The following NTM variants were observed in gnomAD, a reference collection of about 807,000 sequenced individuals.
NTM encodes neurotrimin, also known as IgLON family member 2.
Under a neutral mutation model 42.1 loss-of-function variants are expected in NTM, and 13 were observed. That is an observed-to-expected ratio of 0.31 (90% CI 0.20 to 0.49). NTM has a LOEUF of 0.49. Among genes scored for constraint, NTM ranks in the 20% least tolerant of loss-of-function variants. NTM has a pLI of 0.99. For missense variants in NTM, 373 were observed against 452.8 expected (o/e 0.82, Z 1.60); for synonymous variants, 187 against 179.2 (o/e 1.04, Z -0.35).
At chr11:131,688,351 T>G (rs2074206502) in intron 1 of NTM, among the ~76,000 whole-genome samples, 1 of 152,212 alleles carries the variant, frequency 6.6e-6, no homozygotes, top group Admixed American at 6.5e-5. Context: ...GGAAGGAGCT[T>G]GGATAGCACA....
chr11:132,096,659 C>T (rs560514107), intron 2 of NTM, among the ~76,000 whole-genome samples: 5 of 152,324 alleles, frequency 3.3e-5, no homozygotes, highest in Admixed American at 3.3e-4. Context: ...CATCAAGGAG[C>T]AATCAGGCTC....
intron 2 of NTM, among the ~76,000 whole-genome samples, chr11:131,988,067 G>A (rs1189577555): frequency 6.6e-6 from 1 of 152,200 alleles, no homozygotes; most frequent in Admixed American, 6.5e-5. Context: ...ATCCGATTTG[G>A]TGTCTGTTGA....
At chr11:132,219,748 G>A (rs1263696853) in intron 4 of NTM, among the ~76,000 whole-genome samples, 2 of 152,130 alleles carry the variant, frequency 1.3e-5, no homozygotes, top group Admixed American at 1.3e-4. Context: ...CCAATGGAAA[G>A]CTCCTGGCCC....
chr11:131,773,506 T>G (rs1307009203), intron 1 of NTM, among the ~76,000 whole-genome samples: 1 of 152,220 alleles, frequency 6.6e-6, no homozygotes, highest in Non-Finnish European at 1.5e-5. Context: ...CCTTTCTTAG[T>G]TTCCCATATC....
Position 131,789,539 on chromosome 11 carries a change from GAAGAAGA to G in NTM, c.83-122022_83-122016del, listed in dbSNP as rs1268443686. Among the ~76,000 whole-genome samples, 15 of 22,408 alleles carry G rather than the reference GAAGAAGA, an allele frequency of 6.7e-4. 5 individuals are homozygous for G. The East Asian group carries it at 8.3e-3, about 12-fold the overall frequency. The allele number at this position is 22,408 out of a possible 152,430, so 14.7% of individuals were successfully genotyped here. A position where few individuals can be genotyped will look rare whatever the true frequency, so the allele number is the denominator to read the frequency against. On this transcript the variant is annotated intron_variant, in intron 1 of 8. Coordinates refer to ENST00000683400, the MANE Select transcript of NTM (RefSeq NM_001352005.2). ...AGAAGAAGAAGAAGAAGAAGAAGAAGAAGAAGAAAAGAAGAAGAAGAAGAAGAAGAAG... is the reference window on the plus strand; with the variant it reads ...AGAAGAAGAAGAAGAAGAAGAAGAAGAAAGAAGAAGAAGAAGAAGAAGAAG...
rs190508244 is a variant in NTM, at chr11:132,096,748, C to T, written c.168-49534C>T. Among the ~76,000 whole-genome samples the T allele has an allele frequency of 2.1e-3, 316 of 152,230 alleles. 2 individuals are homozygous for T. The highest frequency in any genetic ancestry group is 7.3e-3 in the African/African-American group (303 of 41,526). ...TCTTCCTGCCTGCCTTGGTCTAGGG[C>T]CTGCGGGGAGGGGAGTCGACATTTA... is the stretch of plus-strand genomic sequence containing the variant. On this transcript the variant is annotated intron_variant, in intron 2 of 8. Coordinates refer to ENST00000683400, the MANE Select transcript of NTM (RefSeq NM_001352005.2).
intron 2 of NTM, among the ~76,000 whole-genome samples, chr11:132,069,180 A>T (rs1363649333): frequency 1.3e-5 from 2 of 148,616 alleles, no homozygotes; most frequent in Non-Finnish European, 3.0e-5. Flanking sequence ...AACACGTCAC[A>T]CAGCCAAGTT....
intron 4 of NTM, among the ~76,000 whole-genome samples, chr11:132,247,066 G>A (rs1010072829): frequency 2.6e-5 from 4 of 152,206 alleles, no homozygotes; most frequent in African/African-American, 9.6e-5. Flanking sequence ...CAGACAGGCT[G>A]CCTCTTTGGG....
At chr11:131,950,378 T>C (rs1490911551) in intron 2 of NTM, among the ~76,000 whole-genome samples, 2 of 152,320 alleles carry the variant, frequency 1.3e-5, no homozygotes, top group East Asian at 3.9e-4. Flanking sequence ...AACTTTTCTT[T>C]CCATCTTACC....
chr11:131,455,287 G>T (rs1237100311), intron 1 of NTM, among the ~76,000 whole-genome samples: 2 of 152,128 alleles, frequency 1.3e-5, no homozygotes, highest in Non-Finnish European at 2.9e-5. Context: ...ACGAGTAGAC[G>T]GCCCAAGCGG....
intron 1 of NTM, chr11:131,774,017 C>G (rs1403912554): frequency 1.0e-6 from 1 of 984,120 alleles, no homozygotes; most frequent in African/African-American, 1.7e-5. Context: ...CATTTTTAAA[C>G]AAAATAGTCA....
intron 1 of NTM, among the ~76,000 whole-genome samples, chr11:131,565,199 C>T (rs878855640): frequency 3.3e-5 from 5 of 152,320 alleles, no homozygotes; most frequent in South Asian, 4.1e-4. Context: ...GACCCTTCAC[C>T]GCCTCTCCAG....
intron 1 of NTM, chr11:131,660,250 G>A: frequency 2.9e-6 from 1 of 342,768 alleles, no homozygotes; most frequent in South Asian, 2.3e-5. Context: ...CATTCAGGTG[G>A]TTGTTGGCCT....
At chr11:131,689,062 A>G (rs2074313266) in intron 1 of NTM, among the ~76,000 whole-genome samples, 1 of 142,188 alleles carries the variant, frequency 7.0e-6, no homozygotes, top group Non-Finnish European at 1.5e-5. Context: ...AGCTACCAAT[A>G]AATTGGATGT....
chr11:131,639,250 G>A (rs1298154813), intron 1 of NTM, among the ~76,000 whole-genome samples: 1 of 152,150 alleles, frequency 6.6e-6, no homozygotes, highest in East Asian at 1.9e-4. Flanking sequence ...CATTTGGAAT[G>A]GAAAGTGATA....
At chr11:131,405,026 A>C (rs944788277) in intron 1 of NTM, among the ~76,000 whole-genome samples, 1 of 152,192 alleles carries the variant, frequency 6.6e-6, no homozygotes, top group Non-Finnish European at 1.5e-5. Context: ...TAAGGGCTTT[A>C]TGGGACCAAA....
At chr11:131,632,770 G>T (rs1386852512) in intron 1 of NTM, among the ~76,000 whole-genome samples, 1 of 132,482 alleles carries the variant, frequency 7.5e-6, no homozygotes, top group Non-Finnish European at 1.5e-5. Flanking sequence ...CGCCTCCCGG[G>T]TTCACGCCAT....
intron 2 of NTM, among the ~76,000 whole-genome samples, chr11:131,983,407 G>A (rs372748284): frequency 5.5e-5 from 7 of 127,822 alleles, no homozygotes; most frequent in Admixed American, 1.9e-4. Context: ...ATGGAGTCTC[G>A]CTCTGTCTCC....
At chr11:131,488,679 T>C (rs542392100) in intron 1 of NTM, among the ~76,000 whole-genome samples, 1 of 152,302 alleles carries the variant, frequency 6.6e-6, no homozygotes, top group South Asian at 2.1e-4. Flanking sequence ...CTATAGCAAT[T>C]CATGCCCTTC....
Sources: allele counts gnomAD v4.1 joint callset (sites outside exome capture counted in the v4.1 genomes callset), GRCh38; gene constraint gnomAD v4.1.1; transcripts MANE v1.5; gene names NCBI Gene and HGNC (gene_info 2026-07-23, HGNC 2026-07-21).